FOXP1: variants seen among roughly 807,000 people sequenced by gnomAD.
FOXP1 encodes the protein forkhead box P1.
In FOXP1, 15 loss-of-function variants were observed where a neutral mutation model predicts 98.2. The observed-to-expected ratio is 0.15, with a 90% CI of 0.10 to 0.24. The LOEUF (loss-of-function observed/expected upper bound fraction) is 0.24, where lower values mean the gene tolerates loss of function less well. FOXP1 is among the 10% of genes least tolerant of loss of function. FOXP1 has a pLI of 1.00. For missense variants in FOXP1, 633 were observed against 848.5 expected, an observed-to-expected ratio of 0.75 and a Z score of 3.15; for synonymous variants, 371 against 314.5, an observed-to-expected ratio of 1.18 and a Z score of -1.90.
intron 2 of FOXP1, among the ~76,000 whole-genome samples, chr3:71,515,109 G>A (rs1303355849): frequency 4.6e-5 from 7 of 152,034 alleles, no homozygotes; most frequent in Admixed American, 6.6e-5. Context: ...TGAATTTTAC[G>A]ACAGACCTCC....
chr3:71,292,011 T>G (rs551397367), intron 5 of FOXP1, among the ~76,000 whole-genome samples: 104 of 152,174 alleles, frequency 6.8e-4, no homozygotes, highest in African/African-American at 2.1e-3. Context: ...GGCCGCTGAT[T>G]CCATTTTTTA....
intron 6 of FOXP1, among the ~76,000 whole-genome samples, chr3:71,114,445 T>C (rs831447): frequency 0.25 from 37,579 of 152,142 alleles, 5,733 homozygotes; most frequent in East Asian, 0.61. Context: ...TGCTCATAAC[T>C]AGAGTTGTAA....
chr3:71,205,673 C>A (rs1021459842), intron 5 of FOXP1, among the ~76,000 whole-genome samples: 1 of 152,126 alleles, frequency 6.6e-6, no homozygotes, highest in African/African-American at 2.4e-5. Flanking sequence ...TGTAGGGGCA[C>A]CCCTCCTAGA....
intron 4 of FOXP1, among the ~76,000 whole-genome samples, chr3:71,304,315 T>A (rs1441596931): frequency 1.3e-5 from 2 of 152,176 alleles, no homozygotes; most frequent in African/African-American, 4.8e-5. Context: ...TGTGAAAATA[T>A]TTTATGGGTA....
Position 70,957,332 on chromosome 3 carries a change from T to C in FOXP1, c.*1915A>G. ...AAAAAAGTAACAACTTTGGTTCCAT[T>C]ATCTACTTGGTCTTCTAAATTTACG... is the stretch of plus-strand genomic sequence containing the variant. On this transcript the variant is annotated 3_prime_UTR_variant, in exon 21 of 21. Coordinates refer to ENST00000649528, the MANE Select transcript of FOXP1 (RefSeq NM_001349338.3). 1 of 228,430 alleles carries C rather than the reference T, an allele frequency of 4.4e-6. No homozygotes were observed. The highest frequency in any genetic ancestry group is 8.7e-6 in the Non-Finnish European group (1 of 114,954). 14.2% of individuals were successfully genotyped at this position (228,430 alleles called of 1,614,324 possible). A position where few individuals can be genotyped will look rare whatever the true frequency, so the allele number is the denominator to read the frequency against.
At chr3:71,029,555 T>C (rs1351479526) in intron 11 of FOXP1, among the ~76,000 whole-genome samples, 1 of 152,096 alleles carries the variant, frequency 6.6e-6, no homozygotes. Flanking sequence ...CATGCTCAGC[T>C]AATTTTTATA....
At chr3:71,434,954 T>C (rs1195505340) in intron 3 of FOXP1, among the ~76,000 whole-genome samples, 1 of 151,932 alleles carries the variant, frequency 6.6e-6, no homozygotes, top group Non-Finnish European at 1.5e-5. Context: ...CCTCCGTCTC[T>C]CTCGCCTTTG....
chr3:71,302,825 T>C (rs946289533), intron 4 of FOXP1: 16 of 152,202 alleles, frequency 1.1e-4, no homozygotes, highest in African/African-American at 3.9e-4. Context: ...ACAAAAACCA[T>C]GTCCAGGACA....
At chr3:71,190,318 T>C (rs1383183626) in intron 6 of FOXP1, among the ~76,000 whole-genome samples, 1 of 151,810 alleles carries the variant, frequency 6.6e-6, no homozygotes, top group Non-Finnish European at 1.5e-5. Flanking sequence ...CAATAAATAA[T>C]AGTTAAATGA....
At chr3:71,524,427 ATCAAGTTT>A (rs992980565) in intron 2 of FOXP1, among the ~76,000 whole-genome samples, 4 of 152,038 alleles carry the variant, frequency 2.6e-5, no homozygotes, top group Non-Finnish European at 4.4e-5. Context: ...CAAAAACTCA[ATCAAGTTT>A]TAAGTCTAGC....
intron 6 of FOXP1, among the ~76,000 whole-genome samples, chr3:71,173,530 A>T (rs772214252): frequency 6.6e-6 from 1 of 152,210 alleles, no homozygotes; most frequent in African/African-American, 2.4e-5. Flanking sequence ...CATACATTAG[A>T]CATGGAGAAG....
chr3:71,020,512 C>A (rs953920638), intron 11 of FOXP1, among the ~76,000 whole-genome samples: 1 of 152,152 alleles, frequency 6.6e-6, no homozygotes, highest in African/African-American at 2.4e-5. Context: ...ATTACTAAAT[C>A]CACCTGCTAA....
At position 71,232,877 on chromosome 3, in the gene FOXP1, C is replaced by CAAAAAAAA. The variant is rs59404230; in HGVS notation, c.-11-34493_-11-34486dup. Among the ~76,000 whole-genome samples, 74 of 31,400 alleles carry CAAAAAAAA rather than the reference C, an allele frequency of 2.4e-3. 8 individuals carry two copies. The highest frequency in any genetic ancestry group is 0.091 in the Middle Eastern group (2 of 22). The allele number at this position is 31,400 out of a possible 152,430, so 20.6% of individuals were successfully genotyped here. Reference sequence around the variant, plus strand: ...CGTGCCACAGAGCAAAACTCTGTCTCAAAAAAAAAAAAAAAAAAAGCAAGA... The same window carrying CAAAAAAAA: ...CGTGCCACAGAGCAAAACTCTGTCTCAAAAAAAAAAAAAAAAAAAAAAAAAAAGCAAGA... On this transcript the variant is annotated intron_variant, in intron 5 of 20. Coordinates refer to ENST00000649528, the MANE Select transcript of FOXP1 (RefSeq NM_001349338.3).
At chr3:71,030,673 T>C (rs2046745439) in intron 11 of FOXP1, among the ~76,000 whole-genome samples, 1 of 152,236 alleles carries the variant, frequency 6.6e-6, no homozygotes, top group Non-Finnish European at 1.5e-5. Flanking sequence ...TCTGTCCCAC[T>C]GAGGAACACA....
At chr3:70,992,842 ACTCT>A (rs1270373381) in intron 13 of FOXP1, among the ~76,000 whole-genome samples, 1 of 151,822 alleles carries the variant, frequency 6.6e-6, no homozygotes, top group South Asian at 2.1e-4. Flanking sequence ...AAACCCAGAG[ACTCT>A]CTCTCTTCTT....
chr3:71,447,872 C>T (rs911061089), intron 3 of FOXP1, among the ~76,000 whole-genome samples: 2 of 152,128 alleles, frequency 1.3e-5, no homozygotes, highest in Admixed American at 6.5e-5. Context: ...AGAATCTATA[C>T]AGTATACTTA....
chr3:71,051,804 G>A (rs965292770), intron 9 of FOXP1, among the ~76,000 whole-genome samples: 1 of 152,164 alleles, frequency 6.6e-6, no homozygotes, highest in African/African-American at 2.4e-5. Context: ...AGGTGAACTG[G>A]TAACTCCCTG....
In FOXP1 at chr3:70,959,088, A is replaced by G. The variant is rs2032555874; in HGVS notation, c.*159T>C. The G allele has an allele frequency of 1.0e-5, 8 of 788,926 alleles. No homozygotes were observed. Among genetic ancestry groups the G allele is most frequent in the Admixed American group, 5.2e-5 (2 of 38,130 alleles). The allele number at this position is 788,926 out of a possible 1,614,324, so 48.9% of individuals were successfully genotyped here. A position where few individuals can be genotyped will look rare whatever the true frequency, so the allele number is the denominator to read the frequency against. ...AAAATACTCCCAAATGGGGTTCTTG[A>G]TGGCACTAAGAGTTAACACATTTCA... On this transcript the variant is annotated 3_prime_UTR_variant, in exon 21 of 21. Coordinates refer to ENST00000649528, the MANE Select transcript of FOXP1 (RefSeq NM_001349338.3).
At chr3:71,501,600 G>A (rs572628395) in intron 2 of FOXP1, among the ~76,000 whole-genome samples, 1 of 152,244 alleles carries the variant, frequency 6.6e-6, no homozygotes, top group East Asian at 1.9e-4. Context: ...CCCAAAAGGT[G>A]AAAACACTTT....
Sources: gnomAD v4.1 joint callset for allele counts (sites outside exome capture counted in the v4.1 genomes callset) on GRCh38, gnomAD v4.1.1 for gene constraint, MANE v1.5 for transcripts, NCBI Gene and HGNC (gene_info 2026-07-23, HGNC 2026-07-21) for gene names.